The following MYO3A variants were observed in gnomAD, a reference collection of about 807,000 sequenced individuals.
MYO3A encodes the protein myosin IIIA.
In MYO3A, 180 loss-of-function variants were observed where a neutral mutation model predicts 192.7. The ratio of observed to expected loss-of-function variants is 0.93; its 90% CI spans 0.83 to 1.06. The LOEUF (loss-of-function observed/expected upper bound fraction) is 1.06. Ranked by LOEUF, MYO3A falls within the 50% of genes least tolerant of loss-of-function variation. The probability of loss-of-function intolerance (pLI) is 0.00; values close to 1 mark genes in which losing one functional copy is unlikely to be tolerated. For missense variants in MYO3A, 1,896 were observed against 1,905.0 expected, an observed-to-expected ratio of 1.00 and a Z score of 0.09; for synonymous variants, 628 against 645.3, an observed-to-expected ratio of 0.97 and a Z score of 0.41.
intron 17 of MYO3A, among the ~76,000 whole-genome samples, chr10:26,119,813 A>G (rs1375553857): frequency 6.6e-6 from 1 of 152,168 alleles, no homozygotes; most frequent in Admixed American, 6.6e-5. Flanking sequence ...TTAATTAGGA[A>G]TGTATGTTAA....
intron 24 of MYO3A, among the ~76,000 whole-genome samples, chr10:26,154,327 A>G (rs546452582): frequency 1.3e-5 from 2 of 152,092 alleles, no homozygotes; most frequent in Non-Finnish European, 2.9e-5. Flanking sequence ...GATTACAGGT[A>G]CCCACCCACA....
chr10:25,993,177 C>A (rs1840167532), intron 4 of MYO3A, among the ~76,000 whole-genome samples: 1 of 152,162 alleles, frequency 6.6e-6, no homozygotes, highest in Non-Finnish European at 1.5e-5. Flanking sequence ...ATTATTGCCT[C>A]AATTTCAGAG....
intron 20 of MYO3A, among the ~76,000 whole-genome samples, chr10:26,139,800 G>T (rs1009129067): frequency 3.3e-5 from 5 of 152,130 alleles, no homozygotes; most frequent in Non-Finnish European, 5.9e-5. Flanking sequence ...GCCAAGGCAG[G>T]ACAATCACTT....
chr10:26,066,934 C>T (rs1290851978), intron 10 of MYO3A, 41 bp from the exon 11 acceptor site: 19 of 1,400,692 alleles, frequency 1.4e-5, no homozygotes, highest in Non-Finnish European at 1.8e-5. Context: ...CCACTATGAG[C>T]AGTAATCAAT....
chr10:26,065,657 A>G (rs1402698059), intron 10 of MYO3A, among the ~76,000 whole-genome samples: 3 of 151,916 alleles, frequency 2.0e-5, no homozygotes, highest in African/African-American at 7.3e-5. Context: ...AAGCAAAGAA[A>G]TAGAACAGCA....
At chr10:25,992,874 G>C (rs1373248623) in intron 4 of MYO3A, among the ~76,000 whole-genome samples, 1 of 152,170 alleles carries the variant, frequency 6.6e-6, no homozygotes, top group Non-Finnish European at 1.5e-5. Flanking sequence ...GATCATAGTG[G>C]ATAAGCTTTT....
intron 10 of MYO3A, among the ~76,000 whole-genome samples, chr10:26,058,985 CTT>C (rs1834299555): frequency 6.6e-6 from 1 of 150,880 alleles, no homozygotes; most frequent in Admixed American, 6.6e-5. Flanking sequence ...TCCATTTTCA[CTT>C]ATTCATTTCT....
intron 26 of MYO3A, among the ~76,000 whole-genome samples, chr10:26,163,622 A>G (rs577428784): frequency 6.6e-6 from 1 of 152,324 alleles, no homozygotes; most frequent in African/African-American, 2.4e-5. Flanking sequence ...AAAAAGTGGT[A>G]ATATCATTCA....
At chr10:26,044,015 T>C (rs1221640741) in intron 10 of MYO3A, among the ~76,000 whole-genome samples, 1 of 152,170 alleles carries the variant, frequency 6.6e-6, no homozygotes, top group Non-Finnish European at 1.5e-5. Flanking sequence ...CCAAGAGCTC[T>C]TTAGTCAGCA....
chr10:25,945,422 T>C lies in MYO3A; in HGVS notation c.-17-6672T>C, dbSNP rs1836772111. Among the ~76,000 whole-genome samples, 3 of 152,112 alleles carry C rather than the reference T, an allele frequency of 2.0e-5. No homozygotes were observed. The South Asian group carries it at 6.2e-4, about 31-fold the overall frequency. On this transcript the variant is annotated intron_variant, in intron 2 of 34. Transcript: ENST00000642920. The stretch of plus-strand genomic sequence containing the variant: ...GTTGATCGTGTCCTTTATTTCTGAT[T>C]TTCTGTCTCATTGTTCTATCCATTA...
chr10:25,971,469 C>G (rs1838640203), intron 4 of MYO3A, among the ~76,000 whole-genome samples: 2 of 120,422 alleles, frequency 1.7e-5, no homozygotes, highest in Non-Finnish European at 3.7e-5. Context: ...AGATCCAGAT[C>G]ACTATGTGAG....
chr10:26,121,131 T>C (rs1046323527), intron 18 of MYO3A, among the ~76,000 whole-genome samples: 13 of 151,740 alleles, frequency 8.6e-5, no homozygotes, highest in African/African-American at 2.7e-4. Context: ...TATTGTCTTA[T>C]AGATTTAGCA....
intron 10 of MYO3A, among the ~76,000 whole-genome samples, chr10:26,032,743 A>G (rs1842858793): frequency 6.6e-6 from 1 of 152,224 alleles, no homozygotes. Flanking sequence ...TACAAAACAG[A>G]ACAATGAAAA....
chr10:25,967,065 A>G (rs1365556527), intron 4 of MYO3A, among the ~76,000 whole-genome samples: 3 of 152,222 alleles, frequency 2.0e-5, no homozygotes, highest in Non-Finnish European at 2.9e-5. Flanking sequence ...GCTGCACTGA[A>G]GAAATTGGAA....
At chr10:26,102,046 G>A (rs1417346024) in intron 17 of MYO3A, among the ~76,000 whole-genome samples, 1 of 152,154 alleles carries the variant, frequency 6.6e-6, no homozygotes, top group Non-Finnish European at 1.5e-5. Flanking sequence ...ATCAGACGTA[G>A]ATTTGATCTT....
At position 26,176,136 on chromosome 10, in the gene MYO3A, T is replaced by C. The variant is rs552157777; in HGVS notation, c.4294-565T>C. On this transcript the variant is annotated intron_variant, in intron 30 of 34. Coordinates refer to ENST00000642920, the MANE Select transcript of MYO3A (RefSeq NM_017433.5). ...GGTGAAACCCTGTCTCTACTAAAAA[T>C]ACAAAAAATCAGCCGGGCGTGGTGG... Among the ~76,000 whole-genome samples, 7 of 151,642 alleles carry C rather than the reference T, an allele frequency of 4.6e-5. 1 individual carries two copies. In the South Asian group the frequency reaches 1.5e-3, roughly 32 times the overall value.
rs772679987 is a variant in MYO3A, at chr10:26,211,835, A to G, written c.4731-8A>G. Reference sequence around the variant, plus strand: ...GGTTGACACTTGGGCCCTGGGTTTCACTTGCAGGTGCTGGGCGGCGGAGAG... The same window carrying G: ...GGTTGACACTTGGGCCCTGGGTTTCGCTTGCAGGTGCTGGGCGGCGGAGAG... On this transcript the variant is annotated splice_region_variant and splice_polypyrimidine_tract_variant and intron_variant, in intron 34 of 34. Transcript: ENST00000642920. 1 of 1,613,994 alleles carries G rather than the reference A, an allele frequency of 6.2e-7. No individual in the cohort carries two copies. Among genetic ancestry groups the G allele is most frequent in the Non-Finnish European group, 8.5e-7 (1 of 1,180,008 alleles).
At position 26,067,009 on chromosome 10, in the gene MYO3A, A is replaced by G. The variant is rs368385468; in HGVS notation, c.988A>G (p.Asn330Asp). Residue 330 changes from asparagine (N) to aspartate (D), a missense_variant, in exon 11 of 35, where the codon AAC becomes GAC. Asn to Asp is a conservative substitution (Grantham distance 23). Transcript: ENST00000642920. ...TATTCACACGAAGAAAGGGAACTTC[A>G]ACCGACCTCTAATATCCAATCTGAA... ...ERIHTKKGNF[N>D]RPLISNLKDV... The G allele has an allele frequency of 8.1e-6, 13 of 1,612,898 alleles. 1 individual carries two copies. The South Asian group carries it at 1.2e-4, about 15-fold the overall frequency.
chr10:26,108,215 G>T (rs777013216), intron 17 of MYO3A, among the ~76,000 whole-genome samples: 27 of 152,142 alleles, frequency 1.8e-4, no homozygotes, highest in Non-Finnish European at 3.1e-4. Flanking sequence ...ATGTGAATCA[G>T]GCTTTTAGAT....
Sources: gnomAD v4.1 joint callset for allele counts (sites outside exome capture counted in the v4.1 genomes callset) on GRCh38, gnomAD v4.1.1 for gene constraint, MANE v1.5 for transcripts, NCBI Gene and HGNC (gene_info 2026-07-23, HGNC 2026-07-21) for gene names.